NAV3: variants seen among roughly 807,000 people sequenced by gnomAD.
The protein encoded by NAV3 is neuron navigator 3, also known as pore membrane and/or filament interacting like protein 1.
A neutral mutation model predicts 244.7 loss-of-function variants in NAV3; 87 were observed. That is an observed-to-expected ratio of 0.36 (90% CI 0.30 to 0.42). The LOEUF (loss-of-function observed/expected upper bound fraction) is 0.42. Among genes scored for constraint, NAV3 ranks in the 20% least tolerant of loss-of-function variants. NAV3 has a pLI of 1.00. For missense variants in NAV3, 2,663 were observed against 2,893.3 expected, an observed-to-expected ratio of 0.92 and a Z score of 1.83; for synonymous variants, 1,126 against 1,042.2, an observed-to-expected ratio of 1.08 and a Z score of -1.55.
chr12:77,698,334 A>G (rs1256098989), intron 2 of NAV3, among the ~76,000 whole-genome samples: 18 of 152,086 alleles, frequency 1.2e-4, no homozygotes, highest in South Asian at 2.1e-4. Context: ...TTCTCCATTT[A>G]TTTTTCTAGG....
intron 2 of NAV3, among the ~76,000 whole-genome samples, chr12:77,744,241 C>T (rs1194342871): frequency 2.0e-5 from 3 of 151,902 alleles, no homozygotes; most frequent in Non-Finnish European, 4.4e-5. Flanking sequence ...TGGAAGAGAG[C>T]AGAGAATGCG....
intron 2 of NAV3, among the ~76,000 whole-genome samples, chr12:77,576,488 C>A (rs1183621015): frequency 6.6e-6 from 1 of 152,042 alleles, no homozygotes; most frequent in Non-Finnish European, 1.5e-5. Context: ...GAAACATCAC[C>A]CACTTACGAT....
chr12:77,836,198 T>C (rs1385381566), intron 1 of NAV3, among the ~76,000 whole-genome samples: 1 of 152,184 alleles, frequency 6.6e-6, no homozygotes, highest in Non-Finnish European at 1.5e-5. Context: ...AGTGTTCTAT[T>C]TTGTCACAGC....
chr12:77,584,644 T>C (rs564593525), intron 2 of NAV3, among the ~76,000 whole-genome samples: 1 of 152,304 alleles, frequency 6.6e-6, no homozygotes, highest in African/African-American at 2.4e-5. Flanking sequence ...ATGACAGGTT[T>C]AAATGTTTTA....
intron 6 of NAV3, among the ~76,000 whole-genome samples, chr12:77,995,367 T>A (rs1268770235): frequency 3.9e-5 from 6 of 152,186 alleles, no homozygotes; most frequent in Admixed American, 2.6e-4. Flanking sequence ...GACACAGGTA[T>A]AATAAAGACA....
intron 12 of NAV3, among the ~76,000 whole-genome samples, chr12:78,111,531 A>C (rs1955091694): frequency 6.6e-6 from 1 of 152,184 alleles, no homozygotes; most frequent in African/African-American, 2.4e-5. Flanking sequence ...ATCGTTAGTC[A>C]TCAGAGAAAT....
At chr12:77,764,988 C>A (rs1455691249) in intron 2 of NAV3, among the ~76,000 whole-genome samples, 1 of 152,210 alleles carries the variant, frequency 6.6e-6, no homozygotes, top group Non-Finnish European at 1.5e-5. Context: ...TTATAGAAAC[C>A]TGCTTAAAAG....
At chr12:78,210,136 C>A (rs963665765) in intron 39 of NAV3, among the ~76,000 whole-genome samples, 2 of 152,154 alleles carry the variant, frequency 1.3e-5, no homozygotes, top group African/African-American at 4.8e-5. Flanking sequence ...TTCCAGTCTC[C>A]CTGCTGGAGC....
At chr12:78,201,069 CTT>C (rs1223998516) in intron 38 of NAV3, among the ~76,000 whole-genome samples, 3 of 61,440 alleles carry the variant, frequency 4.9e-5, no homozygotes, top group Non-Finnish European at 8.3e-5. Flanking sequence ...GTTTCTTCTC[CTT>C]CTTTTTTTTT....
intron 1 of NAV3, among the ~76,000 whole-genome samples, chr12:77,920,033 A>T (rs1887553781): frequency 6.6e-6 from 1 of 151,986 alleles, no homozygotes; most frequent in South Asian, 2.1e-4. Context: ...ATATTTATCA[A>T]CTGCACGTGA....
At chr12:77,705,536 A>G (rs1875756086) in intron 2 of NAV3, among the ~76,000 whole-genome samples, 1 of 151,624 alleles carries the variant, frequency 6.6e-6, no homozygotes, top group East Asian at 1.9e-4. Flanking sequence ...CTCTTAGGAT[A>G]CTGTCTCTCC....
At position 78,119,263 on chromosome 12, in the gene NAV3, G is replaced by A. The variant is rs775091711; in HGVS notation, c.3067G>A (p.Glu1023Lys). The A allele has an allele frequency of 1.9e-6, 3 of 1,613,070 alleles. No homozygotes were observed. The highest frequency in any genetic ancestry group is 2.5e-6 in the Non-Finnish European group (3 of 1,179,706). ...GAAAACCGATGATGCCAAAGCTTCTGAGAAAGGAAAAGCTCCCCTAAAAGG... is the reference window on the plus strand; with the variant it reads ...GAAAACCGATGATGCCAAAGCTTCTAAGAAAGGAAAAGCTCCCCTAAAAGG... ...PGKTDDAKAS[E>K]KGKAPLKGSS... The change falls in exon 15 of 40, where the codon GAG becomes AAG. Residue 1023 changes from glutamate to lysine, a missense_variant. Around this residue, in one of 6 missense-constraint regions of NAV3, gnomAD observed 1,521 missense variants for 1,497.0 expected, o/e 1.02. Coordinates refer to ENST00000397909, the MANE Select transcript of NAV3 (RefSeq NM_001024383.2).
At chr12:77,803,822 A>C (rs948470510) in intron 2 of NAV3, among the ~76,000 whole-genome samples, 3 of 152,200 alleles carry the variant, frequency 2.0e-5, no homozygotes, top group African/African-American at 7.2e-5. Flanking sequence ...TCGCCATTCT[A>C]ACTGGCCTGA....
At chr12:77,910,017 C>T (rs1319578867) in intron 1 of NAV3, among the ~76,000 whole-genome samples, 1 of 152,012 alleles carries the variant, frequency 6.6e-6, no homozygotes, top group Non-Finnish European at 1.5e-5. Flanking sequence ...AGATTTTTAA[C>T]AGAATAGCAC....
At chr12:78,068,451 T>C (rs1952590387) in intron 12 of NAV3, among the ~76,000 whole-genome samples, 1 of 151,014 alleles carries the variant, frequency 6.6e-6, no homozygotes, top group South Asian at 2.1e-4. Flanking sequence ...ATTAATTCAA[T>C]GTATAATGGT....
At chr12:77,806,189 A>G (rs1871971547) in intron 2 of NAV3, among the ~76,000 whole-genome samples, 2 of 151,706 alleles carry the variant, frequency 1.3e-5, no homozygotes, top group Non-Finnish European at 2.9e-5. Context: ...GATCTTCGTT[A>G]TTTCTTGCCT....
chr12:77,836,454 A>C (rs181623949), intron 1 of NAV3, among the ~76,000 whole-genome samples: 2 of 152,304 alleles, frequency 1.3e-5, no homozygotes, highest in Admixed American at 1.3e-4. Context: ...TATGGAAAGC[A>C]ATTATTTTTT....
At chr12:77,957,545 TGC>T (rs1891477258) in intron 3 of NAV3, among the ~76,000 whole-genome samples, 1 of 152,162 alleles carries the variant, frequency 6.6e-6, no homozygotes, top group African/African-American at 2.4e-5. Context: ...CAGTAAAAAA[TGC>T]TAAAAGGCTG....
rs1263381855 is a variant in NAV3, at chr12:78,119,758, C to T, written c.3562C>T (p.Arg1188Cys). 9 of 1,613,832 alleles carry T rather than the reference C, an allele frequency of 5.6e-6. No homozygotes were observed. Among genetic ancestry groups the T allele is most frequent in the Admixed American group, 1.7e-5 (1 of 59,972 alleles). The change falls in exon 15 of 40, where the codon CGC becomes TGC. Residue 1188 changes from arginine (R) to cysteine (C), a missense_variant. Physicochemically the swap from Arg to Cys is radical, Grantham distance 180. Around this residue, in one of 6 missense-constraint regions of NAV3, gnomAD observed 1,521 missense variants for 1,497.0 expected, o/e 1.02. Transcript: ENST00000397909. ...AGAACCAACTAAAATTGGGTCAGGG[C>T]GCTCGAGTCCTGTCACCGTCAACCA... ...LREPTKIGSG[R>C]SSPVTVNQTD...
Sources: allele counts gnomAD v4.1 joint callset (sites outside exome capture counted in the v4.1 genomes callset), GRCh38; gene constraint gnomAD v4.1.1; regional missense constraint gnomAD v4.1.1; transcripts MANE v1.5; gene names NCBI Gene and HGNC (gene_info 2026-07-23, HGNC 2026-07-21).